The following HMGB1 variants were observed in gnomAD, a reference collection of about 807,000 sequenced individuals.
HMGB1 encodes high mobility group box 1, also known as high mobility group protein B1.
For missense variants in HMGB1, 79 were observed against 253.5 expected (o/e 0.31, Z 4.67); for synonymous variants, 81 against 84.0 (o/e 0.96, Z 0.19).
intron 1 of HMGB1, among the ~76,000 whole-genome samples, chr13:30,558,475 A>G (rs577777895): frequency 2.5e-4 from 38 of 152,320 alleles, no homozygotes; most frequent in African/African-American, 9.1e-4. Flanking sequence ...TTAAAAAAAT[A>G]ACTGAAATGA....
intron 1 of HMGB1, among the ~76,000 whole-genome samples, chr13:30,539,227 C>T (rs1419699593): frequency 6.6e-6 from 1 of 152,196 alleles, no homozygotes; most frequent in Non-Finnish European, 1.5e-5. Flanking sequence ...AAGATCAATT[C>T]TCCCCCTGCC....
At position 30,458,297 on chromosome 13, in the gene HMGB1, TG is replaced by T. The variant is rs1346662089; in HGVS notation, c.*3059del. ...GTGATGTCAAGCAAGGCAGTACCCA[TG>T]TATTTCATTCAAAAACCAGTTGTCT... On this transcript the variant is annotated 3_prime_UTR_variant, in exon 5 of 5. Coordinates refer to ENST00000341423, the MANE Select transcript of HMGB1 (RefSeq NM_002128.7). 1 of 151,590 alleles carries T rather than the reference TG, an allele frequency of 6.6e-6. No homozygotes were observed. Among genetic ancestry groups the T allele is most frequent in the African/African-American group, 2.4e-5 (1 of 41,126 alleles). The allele number at this position is 151,590 out of a possible 1,614,324, so 9.4% of individuals were successfully genotyped here.
chr13:30,609,807 GC>G (rs1368669903), intron 1 of HMGB1, among the ~76,000 whole-genome samples: 1 of 152,118 alleles, frequency 6.6e-6, no homozygotes, highest in African/African-American at 2.4e-5. Context: ...TGTTTTTATA[GC>G]TTAGCTCCCA....
rs189812164 is a variant in HMGB1, at chr13:30,506,704, G to A, written c.-14-43010C>T. 2.1e-3 allele frequency among the ~76,000 whole-genome samples: 316 copies of A among 152,238 alleles called. 1 individual carries two copies. Among genetic ancestry groups the A allele is most frequent in the African/African-American group, 7.1e-3 (293 of 41,528 alleles). ...CCAGCTCTCTTGGCCTGGCTGGTTT[G>A]GCATTCTCAAAGCCTCACCTGCTTT... On this transcript the variant is annotated intron_variant, in intron 1 of 4. Coordinates refer to the HMGB1 transcript ENST00000405805.
chr13:30,510,622 C>T (rs1307502822), intron 1 of HMGB1, among the ~76,000 whole-genome samples: 2 of 152,072 alleles, frequency 1.3e-5, no homozygotes, highest in Admixed American at 6.6e-5. Flanking sequence ...GAAAATACCA[C>T]TGGTCTCTAT....
At chr13:30,584,466 A>G (rs1871056052) in intron 1 of HMGB1, among the ~76,000 whole-genome samples, 1 of 152,224 alleles carries the variant, frequency 6.6e-6, no homozygotes, top group Non-Finnish European at 1.5e-5. Context: ...TTTCCTTAGT[A>G]TGTGCTTGTT....
In HMGB1 at chr13:30,463,192, A is replaced by C; in HGVS notation, c.296+15T>G. 6.3e-7 allele frequency: 1 copy of C among 1,597,756 alleles called. No homozygotes were observed. Among genetic ancestry groups the C allele is most frequent in the Non-Finnish European group, 8.5e-7 (1 of 1,176,680 alleles). On this transcript the variant is annotated intron_variant, in intron 3 of 4. Coordinates refer to ENST00000341423, the MANE Select transcript of HMGB1 (RefSeq NM_002128.7). ...TAAAACGTGTCTGGGAAGTAAAAACAGGCAAGATACTCACGGAGGCCTCTT... is the reference window on the plus strand; with the variant it reads ...TAAAACGTGTCTGGGAAGTAAAAACCGGCAAGATACTCACGGAGGCCTCTT...
At chr13:30,463,739 C>CT (rs1481337247) in intron 1 of HMGB1, 45 bp from the exon 2 acceptor site, 1 of 1,261,792 alleles carries the variant, frequency 7.9e-7, no homozygotes, top group East Asian at 2.4e-5. Context: ...AAAATTATGA[C>CT]ATATAAGACC....
intron 1 of HMGB1, among the ~76,000 whole-genome samples, chr13:30,555,046 T>TTG (rs1869621564): frequency 7.2e-6 from 1 of 138,138 alleles, no homozygotes; most frequent in South Asian, 2.5e-4. Flanking sequence ...TTTTTTTTTT[T>TTG]TTTTTTTTTT....
intron 1 of HMGB1, among the ~76,000 whole-genome samples, chr13:30,574,362 T>TGGAA (rs1339745872): frequency 6.6e-6 from 1 of 152,234 alleles, no homozygotes; most frequent in Non-Finnish European, 1.5e-5. Flanking sequence ...ATCCCACTGC[T>TGGAA]GGAAGGCTCA....
At chr13:30,507,921 C>T (rs780008540) in intron 1 of HMGB1, among the ~76,000 whole-genome samples, 1 of 152,024 alleles carries the variant, frequency 6.6e-6, no homozygotes, top group Non-Finnish European at 1.5e-5. Flanking sequence ...CGCTTGAGCC[C>T]CGGGATTCAA....
chr13:30,586,557 G>T (rs562498414), intron 1 of HMGB1, among the ~76,000 whole-genome samples: 7 of 145,658 alleles, frequency 4.8e-5, no homozygotes, highest in Non-Finnish European at 1.0e-4. Flanking sequence ...GTGCAATCTC[G>T]GCTCACTGCA....
At chr13:30,517,195 C>A (rs1191772109) in intron 1 of HMGB1, among the ~76,000 whole-genome samples, 4 of 152,164 alleles carry the variant, frequency 2.6e-5, no homozygotes, top group Admixed American at 2.6e-4. Flanking sequence ...GCCCCTGCCA[C>A]CAGAATTTCT....
intron 1 of HMGB1, among the ~76,000 whole-genome samples, chr13:30,527,115 G>A (rs1017542349): frequency 1.7e-4 from 26 of 152,216 alleles, no homozygotes; most frequent in Admixed American, 9.8e-4. Context: ...AGCAGGGGCC[G>A]CAGCGGCTGT....
At chr13:30,609,459 T>C (rs1293115813) in intron 1 of HMGB1, among the ~76,000 whole-genome samples, 1 of 152,188 alleles carries the variant, frequency 6.6e-6, no homozygotes, top group Non-Finnish European at 1.5e-5. Flanking sequence ...TTGAACTGCC[T>C]GGGTCCACTT....
At chr13:30,466,847 T>G (rs1886802222), upstream of HMGB1, among the ~76,000 whole-genome samples, 1 of 152,250 alleles carries the variant, frequency 6.6e-6, no homozygotes, top group Admixed American at 6.5e-5. Context: ...CTAAACTGTT[T>G]GGCTATTTTA....
At chr13:30,581,686 G>T (rs1870907570) in intron 1 of HMGB1, among the ~76,000 whole-genome samples, 1 of 152,174 alleles carries the variant, frequency 6.6e-6, no homozygotes, top group South Asian at 2.1e-4. Flanking sequence ...GGAAATTGGG[G>T]TTCCCAATCA....
chr13:30,583,446 A>T (rs1870992063), intron 1 of HMGB1, among the ~76,000 whole-genome samples: 1 of 147,012 alleles, frequency 6.8e-6, no homozygotes, highest in Non-Finnish European at 1.5e-5. Context: ...TGGGAGGATC[A>T]CTTGAGCCCT....
At chr13:30,502,309 A>C (rs1229699139) in intron 1 of HMGB1, among the ~76,000 whole-genome samples, 2 of 152,246 alleles carry the variant, frequency 1.3e-5, no homozygotes, top group African/African-American at 4.8e-5. Flanking sequence ...TGAATAAAAC[A>C]GACCAAAAAT....
Sources: gnomAD v4.1 joint callset for allele counts (sites outside exome capture counted in the v4.1 genomes callset) on GRCh38, gnomAD v4.1.1 for gene constraint, MANE v1.5 for transcripts, NCBI Gene and HGNC (gene_info 2026-07-23, HGNC 2026-07-21) for gene names.